Variants in ANKRD30B observed in about 807,000 individuals in gnomAD.
ANKRD30B encodes the protein ankyrin repeat domain 30B.
In ANKRD30B, 144 loss-of-function variants were observed where a neutral mutation model predicts 202.2. The ratio of observed to expected loss-of-function variants is 0.71; its 90% CI spans 0.62 to 0.82. The LOEUF is 0.82. Ranked by LOEUF, ANKRD30B falls within the 40% of genes least tolerant of loss-of-function variation. The pLI is 0.00. For missense variants in ANKRD30B, 1,487 were observed against 1,669.1 expected (o/e 0.89, Z 1.90); for synonymous variants, 508 against 561.3 (o/e 0.91, Z 1.34).
Position 14,853,418 on chromosome 18 carries a change from A to G in ANKRD30B, c.4477-391A>G, listed in dbSNP as rs572414256. ...TACTTTTATTCTGAGATAAAAATCT[A>G]TTGGAAAAATTTCAGCAGGTGATTG... On this transcript the variant is annotated intron_variant, in intron 42 of 43. Coordinates refer to ENST00000690538, the MANE Select transcript of ANKRD30B (RefSeq NM_001367607.2). Among the ~76,000 whole-genome samples the G allele has an allele frequency of 8.7e-4, 132 of 152,256 alleles. 3 individuals carry two copies. In the South Asian group the frequency reaches 0.021, roughly 25 times the overall value.
chr18:14,900,446 C>T, the ANKRD30B span, among the ~76,000 whole-genome samples: 1 of 152,048 alleles, frequency 6.6e-6, no homozygotes, highest in Non-Finnish European at 1.5e-5. Context: ...AATAAGCTTT[C>T]TATTCTCTTC....
chr18:14,926,070 T>G, the ANKRD30B span, among the ~76,000 whole-genome samples: 1 of 152,202 alleles, frequency 6.6e-6, no homozygotes, highest in East Asian at 1.9e-4. Flanking sequence ...CTCAATTGCA[T>G]TCCTCATGCC....
chr18:14,925,239 A>G, the ANKRD30B span, among the ~76,000 whole-genome samples: 1 of 152,118 alleles, frequency 6.6e-6, no homozygotes, highest in Non-Finnish European at 1.5e-5. Flanking sequence ...GGAGGAGTGG[A>G]GACATGGGAA....
chr18:14,778,864 T>C (rs894363757), intron 10 of ANKRD30B, among the ~76,000 whole-genome samples: 33 of 152,122 alleles, frequency 2.2e-4, no homozygotes, highest in African/African-American at 7.7e-4. Flanking sequence ...GGTCAAGACA[T>C]AACAGGGTCA....
the ANKRD30B span, among the ~76,000 whole-genome samples, chr18:14,934,636 C>T: frequency 6.6e-6 from 1 of 152,216 alleles, no homozygotes; most frequent in South Asian, 2.1e-4. Context: ...GAGTTGGTAT[C>T]CATGCCAGGC....
At chr18:14,860,211 A>G in the ANKRD30B span, among the ~76,000 whole-genome samples, 4 of 141,412 alleles carry the variant, frequency 2.8e-5, no homozygotes, top group Non-Finnish European at 4.6e-5. Flanking sequence ...AGCAGGAGAA[A>G]GGTGCTCCTC....
chr18:14,833,245 GTTCT>G (rs1295936994), intron 34 of ANKRD30B, among the ~76,000 whole-genome samples: 2 of 147,442 alleles, frequency 1.4e-5, no homozygotes, highest in Admixed American at 6.8e-5. Flanking sequence ...CGAAACTCAT[GTTCT>G]TTTTTTTTTC....
the ANKRD30B span, among the ~76,000 whole-genome samples, chr18:14,896,136 A>ATT: frequency 9.6e-4 from 135 of 140,716 alleles, no homozygotes; most frequent in Middle Eastern, 3.7e-3. Context: ...TTATCTGCTC[A>ATT]TTTTTTTTTT....
intron 4 of ANKRD30B, among the ~76,000 whole-genome samples, chr18:14,757,352 A>G (rs1914530784): frequency 6.6e-6 from 1 of 152,236 alleles, no homozygotes; most frequent in Non-Finnish European, 1.5e-5. Context: ...CATTATAAAT[A>G]TCAACAGCAT....
At chr18:14,844,207 A>C (rs1971537366) in intron 39 of ANKRD30B, among the ~76,000 whole-genome samples, 1 of 152,234 alleles carries the variant, frequency 6.6e-6, no homozygotes, top group South Asian at 2.1e-4. Flanking sequence ...TATGCAAAAA[A>C]CAAATATATG....
At chr18:14,930,444 G>C in the ANKRD30B span, among the ~76,000 whole-genome samples, 1 of 152,148 alleles carries the variant, frequency 6.6e-6, no homozygotes. Flanking sequence ...AATGATTTCA[G>C]GCCATGGTCT....
chr18:14,748,326 C>T lies in ANKRD30B; in HGVS notation c.-94C>T. 5.6e-6 allele frequency: 6 copies of T among 1,073,350 alleles called. No individual in the cohort carries two copies. The highest frequency in any genetic ancestry group is 6.3e-6 in the Non-Finnish European group (5 of 789,178). 66.5% of individuals were successfully genotyped at this position (1,073,350 alleles called of 1,614,324 possible). On this transcript the variant is annotated 5_prime_UTR_variant, in exon 1 of 44. Transcript: ENST00000690538. ...GGCGAGTGCGAGCCGGGGGCGGGTGCTGGGGAAGGGTAAGCGGGAAGCGAG... is the reference window on the plus strand; with the variant it reads ...GGCGAGTGCGAGCCGGGGGCGGGTGTTGGGGAAGGGTAAGCGGGAAGCGAG...
At chr18:14,768,110 A>C (rs571505592) in intron 7 of ANKRD30B, among the ~76,000 whole-genome samples, 2 of 151,796 alleles carry the variant, frequency 1.3e-5, no homozygotes, top group Admixed American at 6.6e-5. Flanking sequence ...CCACCCCTCA[A>C]CCTCCTAGGA....
chr18:14,879,753 G>C, the ANKRD30B span, among the ~76,000 whole-genome samples: 1 of 150,820 alleles, frequency 6.6e-6, no homozygotes, highest in South Asian at 2.1e-4. Flanking sequence ...GGGGTTAGGG[G>C]TTAGGGTCAG....
At chr18:14,927,349 A>G in the ANKRD30B span, among the ~76,000 whole-genome samples, 8 of 152,218 alleles carry the variant, frequency 5.3e-5, no homozygotes, top group Non-Finnish European at 1.0e-4. Context: ...CCCTATGTGC[A>G]GATGACCTAA....
intron 32 of ANKRD30B, among the ~76,000 whole-genome samples, chr18:14,828,072 C>A (rs963344825): frequency 6.6e-6 from 1 of 152,080 alleles, no homozygotes; most frequent in Non-Finnish European, 1.5e-5. Context: ...TGAAAGTGTG[C>A]GTGATTCTTT....
intron 39 of ANKRD30B, among the ~76,000 whole-genome samples, chr18:14,843,623 T>C (rs1449216521): frequency 6.6e-6 from 1 of 152,002 alleles, no homozygotes; most frequent in African/African-American, 2.4e-5. Context: ...TGTGCATGTA[T>C]ATGTGTGTTT....
chr18:14,791,307 G>GT (rs1489118910), intron 15 of ANKRD30B, 94 bp from the exon 16 acceptor site: 1 of 1,027,214 alleles, frequency 9.7e-7, no homozygotes, highest in Non-Finnish European at 1.4e-6. Flanking sequence ...CTAGGAAATT[G>GT]TGTTTTTAAA....
the ANKRD30B span, among the ~76,000 whole-genome samples, chr18:14,918,841 G>A: frequency 6.6e-6 from 1 of 152,308 alleles, no homozygotes; most frequent in African/African-American, 2.4e-5. Flanking sequence ...GGGAGGTGGG[G>A]CCTTTATGAG....
Sources: allele counts gnomAD v4.1 joint callset (sites outside exome capture counted in the v4.1 genomes callset), GRCh38; gene constraint gnomAD v4.1.1; transcripts MANE v1.5; gene names NCBI Gene and HGNC (gene_info 2026-07-23, HGNC 2026-07-21).